PDGFRA: variants seen among roughly 807,000 people sequenced by gnomAD.
The protein encoded by PDGFRA is platelet-derived growth factor receptor alpha.
PDGFRA carries 25 observed loss-of-function variants against 121.5 expected under a neutral mutation model. The ratio of observed to expected loss-of-function variants is 0.21; its 90% CI spans 0.15 to 0.29. The LOEUF (loss-of-function observed/expected upper bound fraction) is 0.29. Ranked by LOEUF, PDGFRA falls within the 10% of genes least tolerant of loss-of-function variation. The probability of loss-of-function intolerance (pLI) is 1.00; values close to 1 mark genes in which losing one functional copy is unlikely to be tolerated. For missense variants in PDGFRA, 1,008 were observed against 1,345.1 expected, an observed-to-expected ratio of 0.75 and a Z score of 3.92; for synonymous variants, 463 against 494.8, an observed-to-expected ratio of 0.94 and a Z score of 0.85.
chr4:54,269,500 TACATACACACACACAC>T, intron 7 of PDGFRA, among the ~76,000 whole-genome samples: 1 of 136,308 alleles, frequency 7.3e-6, no homozygotes. Flanking sequence ...TTTATGCACA[TACATACACACACACAC>T]ACACACACAC....
intron 1 of PDGFRA, among the ~76,000 whole-genome samples, chr4:54,231,378 G>A (rs563392337): frequency 6.6e-6 from 1 of 152,334 alleles, no homozygotes; most frequent in East Asian, 1.9e-4. Flanking sequence ...GAACTAGACA[G>A]ATTTTTGGAG....
chr4:54,295,264 T>A lies in PDGFRA; in HGVS notation c.3262T>A (p.Phe1088Ile), dbSNP rs745334834. Residue 1088 changes from phenylalanine to isoleucine, a missense_variant, in exon 23 of 23, where the codon TTC becomes ATC. By Grantham distance (21) the Phe-to-Ile change is conservative. Coordinates refer to ENST00000257290, the MANE Select transcript of PDGFRA (RefSeq NM_006206.6). ...CTCTTCAGACCTGGTGGAAGACAGC[T>A]TCCTGTAACTGGCGGATTCGAGGGG... is the stretch of plus-strand genomic sequence containing the variant. ...IDSSDLVEDSFL is the reference protein window; with the variant it reads ...IDSSDLVEDSIL 6.2e-7 allele frequency: 1 copy of A among 1,614,138 alleles called. No homozygotes were observed.
chr4:54,271,799 TCTC>T (rs1315465089), intron 8 of PDGFRA, among the ~76,000 whole-genome samples: 2 of 141,606 alleles, frequency 1.4e-5, no homozygotes, highest in Non-Finnish European at 3.1e-5. Context: ...TCCCTCACTC[TCTC>T]TTTTCTTTGC....
chr4:54,262,596 A>G (rs751735341), intron 3 of PDGFRA, among the ~76,000 whole-genome samples: 3 of 152,020 alleles, frequency 2.0e-5, no homozygotes, highest in Non-Finnish European at 4.4e-5. Flanking sequence ...TACCCTCTAT[A>G]ACTACGAGTG....
intron 1 of PDGFRA, among the ~76,000 whole-genome samples, chr4:54,250,733 A>G (rs1005175083): frequency 6.6e-6 from 1 of 152,156 alleles, no homozygotes; most frequent in Admixed American, 6.5e-5. Flanking sequence ...TAGGACTCTG[A>G]TGGGTACTCT....
In PDGFRA at chr4:54,263,657, T is replaced by TA. The variant is rs2110250288; in HGVS notation, c.368-7dup. 1 of 1,613,458 alleles carries TA rather than the reference T, an allele frequency of 6.2e-7. No individual in the cohort carries two copies. The highest frequency in any genetic ancestry group is 8.5e-7 in the Non-Finnish European group (1 of 1,179,360). The stretch of plus-strand genomic sequence containing the variant: ...GTCTAATAGAGTCTTCATTCTTTTT[T>TA]AAACCACAGACCCAGATGTAGCCTT... On this transcript the variant is annotated splice_polypyrimidine_tract_variant and intron_variant, in intron 3 of 22. Coordinates refer to ENST00000257290, the MANE Select transcript of PDGFRA (RefSeq NM_006206.6).
In PDGFRA at chr4:54,267,862, AAG is replaced by A; in HGVS notation, c.1121+125_1121+126del. 3.8e-6 allele frequency: 3 copies of A among 784,560 alleles called. No individual in the cohort carries two copies. In the South Asian group the frequency reaches 4.4e-5, roughly 11 times the overall value. The allele number at this position is 784,560 out of a possible 1,614,324, so 48.6% of individuals were successfully genotyped here. On this transcript the variant is annotated intron_variant, in intron 7 of 22. Transcript: ENST00000257290. ...TCTAGAAAATGTAACAATCTGAGTT[AAG>A]AGATGCTTGAAATCACATCCCTTTA...
chr4:54,234,871 G>A (rs1173854835), intron 1 of PDGFRA, among the ~76,000 whole-genome samples: 1 of 152,130 alleles, frequency 6.6e-6, no homozygotes, highest in African/African-American at 2.4e-5. Flanking sequence ...ATTCTCCCGT[G>A]GTTAAATATA....
rs1723873938 is a variant in PDGFRA, at chr4:54,278,406, G to A, written c.2047G>A (p.Val683Ile). The A allele has an allele frequency of 6.2e-7, 1 of 1,613,778 alleles. No homozygotes were observed. Among genetic ancestry groups the A allele is most frequent in the Non-Finnish European group, 8.5e-7 (1 of 1,179,820 alleles). ...ITEYCFYGDL[V>I]NYLHKNRDSF... ...AGAGTATTGCTTCTATGGAGATTTG[G>A]TCAACTATTTGCATAAGAATAGGGA... The change falls in exon 15 of 23, where the codon GTC (valine) becomes ATC (isoleucine). Residue 683 changes from valine to isoleucine, a missense_variant. Physicochemically the swap from Val to Ile is conservative, Grantham distance 29 (BLOSUM62 3). Coordinates refer to ENST00000257290, the MANE Select transcript of PDGFRA (RefSeq NM_006206.6).
At chr4:54,253,592 A>G (rs1722185082) in intron 1 of PDGFRA, among the ~76,000 whole-genome samples, 1 of 152,238 alleles carries the variant, frequency 6.6e-6, no homozygotes, top group Non-Finnish European at 1.5e-5. Flanking sequence ...GAAGTTCAAC[A>G]CATAGTTGGC....
chr4:54,246,716 C>A (rs1323176213), intron 1 of PDGFRA, among the ~76,000 whole-genome samples: 1 of 151,722 alleles, frequency 6.6e-6, no homozygotes, highest in Non-Finnish European at 1.5e-5. Flanking sequence ...TAACTAAAAT[C>A]AGAGCAGAAC....
intron 1 of PDGFRA, among the ~76,000 whole-genome samples, chr4:54,241,468 A>G (rs566682329): frequency 1.3e-5 from 2 of 152,264 alleles, no homozygotes; most frequent in Non-Finnish European, 2.9e-5. Context: ...AGTTTATACA[A>G]GAGAATTTAT....
At chr4:54,282,304 G>A (rs1325561765) in intron 16 of PDGFRA, among the ~76,000 whole-genome samples, 1 of 152,132 alleles carries the variant, frequency 6.6e-6, no homozygotes, top group Non-Finnish European at 1.5e-5. Context: ...CAAGATACTG[G>A]TAGATCTGCT....
At chr4:54,249,022 G>T (rs1362919499) in intron 1 of PDGFRA, among the ~76,000 whole-genome samples, 17 of 152,098 alleles carry the variant, frequency 1.1e-4, no homozygotes, top group African/African-American at 4.1e-4. Flanking sequence ...CAATGAGATA[G>T]CATCTCACAC....
intron 4 of PDGFRA, chr4:54,264,348 T>C (rs376609575): frequency 8.0e-4 from 226 of 283,540 alleles, no homozygotes; most frequent in African/African-American, 4.4e-3. Flanking sequence ...GTTAGTACGC[T>C]TGGGGAAGTA....
intron 22 of PDGFRA, 144 bp downstream of exon 22, chr4:54,290,698 C>A: frequency 1.1e-6 from 1 of 926,186 alleles, no homozygotes; most frequent in Non-Finnish European, 1.7e-6. Flanking sequence ...AGGAGGTCCA[C>A]GTGGTTTTGA....
intron 22 of PDGFRA, among the ~76,000 whole-genome samples, chr4:54,292,532 G>A (rs767417237): frequency 6.6e-6 from 1 of 152,050 alleles, no homozygotes; most frequent in Non-Finnish European, 1.5e-5. Flanking sequence ...TTGGGGATTG[G>A]GTGGAACATC....
At chr4:54,233,614 G>GGAC (rs1479859806) in intron 1 of PDGFRA, among the ~76,000 whole-genome samples, 1 of 152,266 alleles carries the variant, frequency 6.6e-6, no homozygotes, top group Non-Finnish European at 1.5e-5. Context: ...GGCAGCCAGT[G>GGAC]GACTCCTCGC....
At position 54,266,779 on chromosome 4, in the gene PDGFRA, G is replaced by C. The variant is rs193147093; in HGVS notation, c.760-510G>C. ...GAGAGTCACTTGAGGCCAGGAGTTT[G>C]AGATCAGCCTGGGCAATGTATCAAG... On this transcript the variant is annotated intron_variant, in intron 5 of 22. Transcript: ENST00000257290. Among the ~76,000 whole-genome samples the C allele has an allele frequency of 1.8e-3, 270 of 152,232 alleles. 3 individuals are homozygous for C. In the South Asian group the frequency reaches 0.024, roughly 14 times the overall value.
Sources: gnomAD v4.1 joint callset for allele counts (sites outside exome capture counted in the v4.1 genomes callset) on GRCh38, gnomAD v4.1.1 for gene constraint, MANE v1.5 for transcripts, NCBI Gene and HGNC (gene_info 2026-07-23, HGNC 2026-07-21) for gene names.